EPRS1: variants seen among roughly 807,000 people sequenced by gnomAD.
EPRS1 encodes the protein bifunctional glutamate/proline--tRNA ligase.
A neutral mutation model predicts 188.3 loss-of-function variants in EPRS1; 107 were observed. The ratio of observed to expected loss-of-function variants is 0.57; its 90% confidence interval spans 0.49 to 0.67. The LOEUF (loss-of-function observed/expected upper bound fraction) is 0.67. EPRS1 is among the 30% of genes least tolerant of loss of function. The probability of loss-of-function intolerance (pLI) is 0.00; values close to 1 mark genes in which losing one functional copy is unlikely to be tolerated. For synonymous variants in EPRS1, 596 were observed against 593.1 expected (o/e 1.00, Z -0.07); for missense variants, 1,577 against 1,802.2 (o/e 0.88, Z 2.26).
chr1:219,998,397 C>T (rs1273740469), intron 17 of EPRS1, among the ~76,000 whole-genome samples: 1 of 152,136 alleles, frequency 6.6e-6, no homozygotes, highest in African/African-American at 2.4e-5. Flanking sequence ...ATTCCTTCCC[C>T]ATAATTCCTT....
chr1:220,038,653 C>T (rs906467234), intron 2 of EPRS1, among the ~76,000 whole-genome samples: 1 of 152,126 alleles, frequency 6.6e-6, no homozygotes, highest in African/African-American at 2.4e-5. Context: ...GCTAGGATTA[C>T]AGGCTTGAGC....
At chr1:220,027,859 T>A (rs1191824156) in intron 6 of EPRS1, among the ~76,000 whole-genome samples, 1 of 151,518 alleles carries the variant, frequency 6.6e-6, no homozygotes, top group Admixed American at 6.6e-5. Flanking sequence ...AATTAAAAAT[T>A]TTTTAAAAAA....
At chr1:220,023,373 C>A (rs1030395530) in intron 8 of EPRS1, among the ~76,000 whole-genome samples, 1 of 152,126 alleles carries the variant, frequency 6.6e-6, no homozygotes, top group Non-Finnish European at 1.5e-5. Context: ...AAAAAAGACT[C>A]ATTATAACTA....
At chr1:220,003,503 G>A (rs568297970) in intron 16 of EPRS1, among the ~76,000 whole-genome samples, 11 of 152,156 alleles carry the variant, frequency 7.2e-5, no homozygotes, top group African/African-American at 1.9e-4. Context: ...TTACATTCAC[G>A]TTTTCTTCTA....
In EPRS1 at chr1:220,007,235, T is replaced by C. The variant is rs183450576; in HGVS notation, c.1709A>G (p.Asn570Ser). The C allele has an allele frequency of 6.2e-7, 1 of 1,613,782 alleles. No individual in the cohort carries two copies. The highest frequency in any genetic ancestry group is 1.3e-5 in the African/African-American group (1 of 75,040). Residue 570 changes from asparagine to serine, a missense_variant, in exon 14 of 32, where the codon AAT (asparagine) becomes AGT (serine). Physicochemically the swap from Asn to Ser is conservative, Grantham distance 46. Transcript: ENST00000366923. ...TTTTGTAATGTTGAGGTTGCCCCAA[T>C]TTATAAATGTAACCATCTCACCCTC... ...FSEGEMVTFI[N>S]WGNLNITKIH...
At chr1:220,020,946 G>A (rs1246306472) in intron 9 of EPRS1, among the ~76,000 whole-genome samples, 2 of 149,362 alleles carry the variant, frequency 1.3e-5, no homozygotes, top group East Asian at 2.0e-4. Context: ...GCACCGGTGC[G>A]ATCTCAGCTC....
At chr1:219,979,895 GGATA>G (rs140488306) in intron 26 of EPRS1, among the ~76,000 whole-genome samples, 186 bp downstream of exon 26, 4 of 152,252 alleles carry the variant, frequency 2.6e-5, no homozygotes, top group Non-Finnish European at 5.9e-5. Flanking sequence ...TAGTAATTCA[GGATA>G]CATACTATGA....
chr1:220,019,190 T>C lies in EPRS1; in HGVS notation c.1350-111A>G, dbSNP rs1571688121. The C allele has an allele frequency of 7.0e-5, 52 of 743,960 alleles. No individual in the cohort carries two copies. The South Asian group carries it at 8.1e-4, about 12-fold the overall frequency. 46.1% of individuals were successfully genotyped at this position (743,960 alleles called of 1,614,324 possible). On this transcript the variant is annotated intron_variant, in intron 10 of 31. Coordinates refer to ENST00000366923, the MANE Select transcript of EPRS1 (RefSeq NM_004446.3). ...ATATTCAGCTTGTTAAACATTTGTC[T>C]AAGAGCTAGTTATACTAATTAGGTA...
Position 219,972,201 on chromosome 1 carries a change from GT to G in EPRS1, c.4245-55del, listed in dbSNP as rs533671119. 3.3e-4 allele frequency: 383 copies of G among 1,173,120 alleles called. 1 individual carries two copies. The highest frequency in any genetic ancestry group is 1.2e-3 in the Admixed American group (51 of 43,180). The allele number at this position is 1,173,120 out of a possible 1,614,324, so 72.7% of individuals were successfully genotyped here. On this transcript the variant is annotated intron_variant, in intron 29 of 31. Transcript: ENST00000366923. ...TAATTGTTCTCACAAATATGACAAA[GT>G]TTTATGAAACACATAAGCACAATTT...
chr1:220,011,176 T>C (rs1397458778), intron 12 of EPRS1, 120 bp from the exon 13 acceptor site: 1 of 590,020 alleles, frequency 1.7e-6, no homozygotes, highest in Non-Finnish European at 3.0e-6. Flanking sequence ...ACTAATTTTT[T>C]TTCAACTGTT....
chr1:219,994,470 T>A (rs1028712194), intron 18 of EPRS1, among the ~76,000 whole-genome samples: 3 of 151,776 alleles, frequency 2.0e-5, no homozygotes, highest in African/African-American at 7.3e-5. Flanking sequence ...TAGAAGTGTT[T>A]GGGTCTTTAT....
intron 20 of EPRS1, among the ~76,000 whole-genome samples, chr1:219,985,047 A>AAC (rs1296893479): frequency 9.3e-5 from 14 of 149,952 alleles, no homozygotes; most frequent in African/African-American, 3.5e-4. Context: ...TCCGTCTCAA[A>AAC]AGAAAAAAAA....
At chr1:220,028,078 C>A (rs557225185) in intron 6 of EPRS1, among the ~76,000 whole-genome samples, 59 of 151,940 alleles carry the variant, frequency 3.9e-4, no homozygotes, top group African/African-American at 1.3e-3. Flanking sequence ...ATTTTTGCAA[C>A]TTTGTGTAAA....
chr1:219,972,739 C>T (rs753735144), intron 29 of EPRS1, among the ~76,000 whole-genome samples: 14 of 152,192 alleles, frequency 9.2e-5, no homozygotes, highest in African/African-American at 3.1e-4. Context: ...TAGGTGAGGG[C>T]GGCCCTAAGG....
In EPRS1 at chr1:220,032,504, C is replaced by T. The variant is rs765454419; in HGVS notation, c.411G>A (p.Gln137=). 5.3e-5 allele frequency: 85 copies of T among 1,612,994 alleles called. No homozygotes were observed. The South Asian group carries it at 8.9e-4, about 17-fold the overall frequency. The change falls in exon 5 of 32, where the codon CAG becomes CAA. Residue 137 remains glutamine (Q), a synonymous_variant. Transcript: ENST00000366923. ...GAACTGGAGCTTTCTTCTGTTTCAA[C>T]TGTTCTTGCCAGGCAGCATTTCCTA... is the stretch of plus-strand genomic sequence containing the variant. ...TLKGNAAWQE[Q]LKQKKAPVHV... is the part of the protein sequence containing the mutation.
chr1:219,990,719 A>C (rs1661103415), intron 18 of EPRS1, among the ~76,000 whole-genome samples: 1 of 152,186 alleles, frequency 6.6e-6, no homozygotes, highest in African/African-American at 2.4e-5. Flanking sequence ...TTTGACTATT[A>C]CTTTGAATTT....
At position 219,979,452 on chromosome 1, in the gene EPRS1, C is replaced by A; in HGVS notation, c.3875G>T (p.Gly1292Val). The A allele has an allele frequency of 6.2e-7, 1 of 1,613,940 alleles. No individual in the cohort carries two copies. The highest frequency in any genetic ancestry group is 1.7e-5 in the Admixed American group (1 of 60,010). The change falls in exon 27 of 32, where the codon GGT becomes GTT. Residue 1292 changes from glycine to valine, a missense_variant. Gly to Val is a moderately radical substitution (Grantham distance 109). Coordinates refer to ENST00000366923, the MANE Select transcript of EPRS1 (RefSeq NM_004446.3). Reference protein sequence around the residue: ...VMTMVHGDNMGLVLPPRVACV... With the variant: ...VMTMVHGDNMVLVLPPRVACV... ...TGCTACACGGGGTGGTAATACTAAA[C>A]CCATGTTGTCCCCATGAACCATGGT...
chr1:219,994,217 T>C (rs1353438006), intron 18 of EPRS1, among the ~76,000 whole-genome samples: 1 of 152,126 alleles, frequency 6.6e-6, no homozygotes, highest in African/African-American at 2.4e-5. Context: ...TCATTCCACA[T>C]CCCAAAGCTG....
chr1:220,041,665 A>G lies in EPRS1; in HGVS notation c.47-1396T>C, dbSNP rs1324899787. On this transcript the variant is annotated intron_variant, in intron 1 of 31. Coordinates refer to ENST00000366923, the MANE Select transcript of EPRS1 (RefSeq NM_004446.3). ...AGACCAGCCTGACCAACATGGAGAA[A>G]CCCCATCTCCACTAAAAATACAAAA... Among the ~76,000 whole-genome samples, 9 of 152,118 alleles carry G rather than the reference A, an allele frequency of 5.9e-5. No individual in the cohort carries two copies. In the South Asian group the frequency reaches 1.7e-3, roughly 28 times the overall value.
Sources: gnomAD v4.1 joint callset for allele counts (sites outside exome capture counted in the v4.1 genomes callset) on GRCh38, gnomAD v4.1.1 for gene constraint, MANE v1.5 for transcripts, NCBI Gene and HGNC (gene_info 2026-07-23, HGNC 2026-07-21) for gene names.